The following POLE variants were observed in gnomAD, a reference collection of about 807,000 sequenced individuals.
The protein encoded by POLE is DNA polymerase epsilon, catalytic subunit, also known as DNA polymerase epsilon catalytic subunit A.
POLE carries 188 observed loss-of-function variants against 279.2 expected under a neutral mutation model. That is an observed-to-expected ratio of 0.67 (90% CI 0.60 to 0.76). POLE has a LOEUF of 0.76. Ranked by LOEUF, POLE falls within the 30% of genes least tolerant of loss-of-function variation. The pLI, the probability that POLE is intolerant of heterozygous loss-of-function variation, is 0.00. For synonymous variants in POLE, 1,214 were observed against 1,172.5 expected (o/e 1.04, Z -0.72); for missense variants, 2,703 against 3,016.7 (o/e 0.90, Z 2.44).
intron 2 of POLE, 82 bp downstream of exon 2, chr12:132,681,056 C>T (rs2136032642): frequency 6.6e-7 from 1 of 1,507,092 alleles, no homozygotes; most frequent in South Asian, 1.2e-5. Flanking sequence ...CTCATGTGTC[C>T]CCCACTCTTT....
At position 132,665,317 on chromosome 12, in the gene POLE, T is replaced by C. The variant is rs148691442; in HGVS notation, c.2453A>G (p.Tyr818Cys). 22 of 1,611,876 alleles carry C rather than the reference T, an allele frequency of 1.4e-5. No homozygotes were observed. The highest frequency in any genetic ancestry group is 4.0e-5 in the African/African-American group (3 of 74,750). ...HKCILNSFYG[Y>C]VMRKGARWYS... ...GCCCACCTACCCCTTGCGCATGACA[T>C]AGCCATAGAAGGAGTTCAGGATGCA... is the stretch of plus-strand genomic sequence containing the variant. Residue 818 changes from tyrosine to cysteine, a missense_variant, in exon 21 of 49, where the codon TAT becomes TGT. Coordinates refer to ENST00000320574, the MANE Select transcript of POLE (RefSeq NM_006231.4).
intron 23 of POLE, among the ~76,000 whole-genome samples, chr12:132,663,142 G>C (rs547858700): frequency 2.0e-5 from 3 of 152,178 alleles, no homozygotes; most frequent in East Asian, 3.9e-4. Context: ...CCTGCTCCAC[G>C]ATATCTATTT....
rs2136012431 is a variant in POLE at position 132,675,846 on chromosome 12, G to C, written c.1021-26C>G. On this transcript the variant is annotated intron_variant, in intron 10 of 48. Transcript: ENST00000320574. This position sits in a 1 kb window ranked among gnomAD's most constrained non-coding sequence, Gnocchi z 4.3. ...CTGAACCCAAGTCACAGCAGTCAGA[G>C]GTCTGCTCTTTCTCTTCTTCAAGCT... The C allele has an allele frequency of 1.3e-6, 2 of 1,556,746 alleles. No homozygotes were observed. The highest frequency in any genetic ancestry group is 8.9e-7 in the Non-Finnish European group (1 of 1,127,662).
At chr12:132,683,642 T>C (rs951811810) in intron 1 of POLE, among the ~76,000 whole-genome samples, 1 of 152,254 alleles carries the variant, frequency 6.6e-6, no homozygotes, top group Non-Finnish European at 1.5e-5. Context: ...GCCTCAGTTC[T>C]GAGTCCCAGA....
rs766793509 is a variant in POLE at position 132,643,939 on chromosome 12, A to T, written c.4188T>A (p.Asn1396Lys). ...RVLPRSNMVY[N>K]LYEYSVPEDM... ...CCTCTGGCACTGAATACTCATAGAG[A>T]TTGTAGACCATGTTGGAGCGAGGAA... is the stretch of plus-strand genomic sequence containing the variant. Residue 1396 changes from asparagine (N) to lysine (K), a missense_variant, in exon 33 of 49, where the codon AAT (asparagine) becomes AAA (lysine). Physicochemically the swap from Asn to Lys is moderately conservative, Grantham distance 94. Transcript: ENST00000320574. 1 of 1,613,884 alleles carries T rather than the reference A, an allele frequency of 6.2e-7. No individual in the cohort carries two copies. Among genetic ancestry groups the T allele is most frequent in the South Asian group, 1.1e-5 (1 of 91,064 alleles).
chr12:132,670,437 C>T (rs111469179), intron 16 of POLE, among the ~76,000 whole-genome samples: 3 of 150,178 alleles, frequency 2.0e-5, no homozygotes, highest in Non-Finnish European at 4.4e-5. Context: ...TTAGTAGAGA[C>T]GGGGTTTCTC....
chr12:132,649,129 G>A (rs2138601776), intron 31 of POLE, 57 bp from the exon 32 acceptor site: 1 of 1,576,760 alleles, frequency 6.3e-7, no homozygotes, highest in East Asian at 2.3e-5. Flanking sequence ...CCCACAGACG[G>A]GGCCACCTTC....
intron 45 of POLE, among the ~76,000 whole-genome samples, chr12:132,628,789 T>A (rs2041883655): frequency 6.6e-6 from 1 of 152,268 alleles, no homozygotes; most frequent in African/African-American, 2.4e-5. Flanking sequence ...CCACTTCTAA[T>A]TCTAGTTCCC....
intron 10 of POLE, 52 bp downstream of exon 10, chr12:132,676,042 A>C (rs2043043061): frequency 8.3e-7 from 1 of 1,210,346 alleles, no homozygotes; most frequent in Admixed American, 1.9e-5. Context: ...AAAGATCCAC[A>C]TGTCCGTTCT....
intron 29 of POLE, among the ~76,000 whole-genome samples, chr12:132,656,364 T>A (rs1461027368): frequency 1.3e-5 from 2 of 151,512 alleles, no homozygotes; most frequent in Non-Finnish European, 2.9e-5. Flanking sequence ...AGAACCTTTT[T>A]CTTTTTTTTT....
At chr12:132,680,800 G>A in intron 2 of POLE, 113 bp from the exon 3 acceptor site, 2 of 807,192 alleles carry the variant, frequency 2.5e-6, no homozygotes, top group South Asian at 1.5e-5. Flanking sequence ...TCTCATCTAG[G>A]TCTTTACTCC....
At chr12:132,626,031 G>C in intron 46 of POLE, 86 bp downstream of exon 46, 1 of 1,351,282 alleles carries the variant, frequency 7.4e-7, no homozygotes, top group Non-Finnish European at 1.0e-6. Context: ...GACCCACAGA[G>C]CTGGAGCTGC....
intron 38 of POLE, 105 bp downstream of exon 38, chr12:132,642,071 CG>C: frequency 9.1e-7 from 1 of 1,100,306 alleles, no homozygotes; most frequent in Non-Finnish European, 1.3e-6. Flanking sequence ...CTGACCTGCG[CG>C]GTCGAACTCT....
Position 132,657,438 on chromosome 12 carries a change from GC to G in POLE, c.3379-10del. On this transcript the variant is annotated splice_polypyrimidine_tract_variant and intron_variant, in intron 27 of 48. Coordinates refer to ENST00000320574, the MANE Select transcript of POLE (RefSeq NM_006231.4). Reference sequence around the variant, plus strand: ...TAGTCCCAATCCAGAATCTGCATGTGCAGGAAACGGGCACAGAGAACAGCAG... The same window carrying G: ...TAGTCCCAATCCAGAATCTGCATGTGAGGAAACGGGCACAGAGAACAGCAG... 1 of 1,613,520 alleles carries G rather than the reference GC, an allele frequency of 6.2e-7. No homozygotes were observed. The highest frequency in any genetic ancestry group is 8.5e-7 in the Non-Finnish European group (1 of 1,179,626).
chr12:132,627,351 T>C (rs2138437063), intron 45 of POLE, among the ~76,000 whole-genome samples: 1 of 152,262 alleles, frequency 6.6e-6, no homozygotes, highest in Admixed American at 6.5e-5. Flanking sequence ...CAGAATGGAC[T>C]GCAGTGGCAC....
rs2135949953 is a variant in POLE, at chr12:132,661,703, G to C, written c.2707-19C>G. 1 of 1,612,998 alleles carries C rather than the reference G, an allele frequency of 6.2e-7. No individual in the cohort carries two copies. Among genetic ancestry groups the C allele is most frequent in the Non-Finnish European group, 8.5e-7 (1 of 1,179,438 alleles). On this transcript the variant is annotated intron_variant, in intron 23 of 48. Transcript: ENST00000320574. This position sits in a 1 kb window ranked among gnomAD's most constrained non-coding sequence, Gnocchi z 4.1. ...AGCCTTCCTGAGAAACAAGAGTGAA[G>C]AGGGGGCAGCTTCACTCATGATGGC...
At chr12:132,687,153 G>C (rs955963765) in intron 1 of POLE, 101 bp downstream of exon 1, 2 of 680,680 alleles carry the variant, frequency 2.9e-6, no homozygotes, top group South Asian at 6.7e-5. Flanking sequence ...GGGCGGCTGC[G>C]GGAACCGGGC....
chr12:132,663,549 G>A (rs1344992504), intron 23 of POLE, among the ~76,000 whole-genome samples: 6 of 152,190 alleles, frequency 3.9e-5, no homozygotes, highest in Admixed American at 1.3e-4. Flanking sequence ...AGGACAACTC[G>A]GCGCCACGTG....
At chr12:132,683,869 G>C (rs1593093192) in intron 1 of POLE, among the ~76,000 whole-genome samples, 1 of 152,332 alleles carries the variant, frequency 6.6e-6, no homozygotes, top group Middle Eastern at 3.4e-3. Flanking sequence ...TAAGAAATCT[G>C]AAAAATGGGG....
Sources: allele counts gnomAD v4.1 joint callset (sites outside exome capture counted in the v4.1 genomes callset), GRCh38; gene constraint gnomAD v4.1.1; non-coding constraint Gnocchi (gnomAD v3.1); transcripts MANE v1.5; gene names NCBI Gene and HGNC (gene_info 2026-07-23, HGNC 2026-07-21).